Variants in SLC2A9 observed in about 807,000 individuals in gnomAD.
SLC2A9 encodes solute carrier family 2 member 9.
In SLC2A9, 39 loss-of-function variants were observed where a neutral mutation model predicts 50.6. The observed-to-expected ratio is 0.77, with a 90% confidence interval of 0.60 to 1.01. The LOEUF (loss-of-function observed/expected upper bound fraction) is 1.01, where lower values mean the gene tolerates loss of function less well. Ranked by LOEUF, SLC2A9 falls within the 50% of genes least tolerant of loss-of-function variation. The pLI is 0.00. For synonymous variants in SLC2A9, 324 were observed against 276.9 expected (o/e 1.17, Z -1.69); for missense variants, 686 against 677.6 (o/e 1.01, Z -0.14).
At chr4:9,774,405 T>G (rs755008800) in intron 1 of SLC2A9, among the ~76,000 whole-genome samples, 18 of 152,208 alleles carry the variant, frequency 1.2e-4, no homozygotes, top group Non-Finnish European at 4.4e-5. Context: ...CCCGTGATGT[T>G]CCCTCTGTTA....
chr4:9,948,613 A>G (rs906306819), intron 5 of SLC2A9, among the ~76,000 whole-genome samples: 5 of 152,178 alleles, frequency 3.3e-5, no homozygotes, highest in Admixed American at 6.5e-5. Context: ...ACTGCATCCA[A>G]TGGCTGACTG....
chr4:10,035,576 G>A (rs1337124909), intron 1 of SLC2A9: 2 of 152,130 alleles, frequency 1.3e-5, no homozygotes, highest in African/African-American at 4.8e-5. Flanking sequence ...TTAATTTCAG[G>A]TGCCTGAATT....
At chr4:9,839,809 C>A (rs891133416) in intron 10 of SLC2A9, among the ~76,000 whole-genome samples, 1 of 151,978 alleles carries the variant, frequency 6.6e-6, no homozygotes, top group Non-Finnish European at 1.5e-5. Flanking sequence ...CGGAACAACA[C>A]ACACTGGGGC....
Position 9,866,740 on chromosome 4 carries a change from G to A in SLC2A9, c.1291+20827C>T, listed in dbSNP as rs883042. ...CCTTGGACGTACTCCCCATCCATGCGTGTGAGCTGCATCTAACTCGCTTCA... is the reference window on the plus strand; with the variant it reads ...CCTTGGACGTACTCCCCATCCATGCATGTGAGCTGCATCTAACTCGCTTCA... On this transcript the variant is annotated intron_variant, in intron 10 of 11. Coordinates refer to ENST00000264784, the MANE Select transcript of SLC2A9 (RefSeq NM_020041.3). 2.5e-3 allele frequency among the ~76,000 whole-genome samples: 380 copies of A among 152,276 alleles called. 3 individuals carry two copies. The highest frequency in any genetic ancestry group is 8.6e-3 in the African/African-American group (357 of 41,546).
Position 9,865,895 on chromosome 4 carries a change from G to T in SLC2A9, c.1291+21672C>A, listed in dbSNP as rs557324413. Among the ~76,000 whole-genome samples the T allele has an allele frequency of 9.8e-5, 15 of 152,306 alleles. No homozygotes were observed. In the South Asian group the frequency reaches 3.1e-3, roughly 32 times the overall value. The stretch of plus-strand genomic sequence containing the variant: ...TGGTTTGCAGGAATCTGGCCCCGGG[G>T]CCCATGATTTGCCATTTTGGCAAAC... On this transcript the variant is annotated intron_variant, in intron 10 of 11. Transcript: ENST00000264784.
chr4:9,890,868 A>C (rs970278124), intron 8 of SLC2A9, among the ~76,000 whole-genome samples, 157 bp from the exon 9 acceptor site: 9 of 152,220 alleles, frequency 5.9e-5, no homozygotes, highest in African/African-American at 2.2e-4. Flanking sequence ...GCCCTGAAGC[A>C]ATGCTCTTTA....
At position 9,826,232 on chromosome 4, in the gene SLC2A9, G is replaced by A; in HGVS notation, c.*165C>T. 1 of 683,906 alleles carries A rather than the reference G, an allele frequency of 1.5e-6. No individual in the cohort carries two copies. The allele number at this position is 683,906 out of a possible 1,614,324, so 42.4% of individuals were successfully genotyped here. A position where few individuals can be genotyped will look rare whatever the true frequency, so the allele number is the denominator to read the frequency against. On this transcript the variant is annotated 3_prime_UTR_variant, in exon 12 of 12. Transcript: ENST00000264784. ...CTAACACAGTTGCAATGTTAGATTAGTACAGGTTTACTTTTAAATATTTAA... is the reference window on the plus strand; with the variant it reads ...CTAACACAGTTGCAATGTTAGATTAATACAGGTTTACTTTTAAATATTTAA...
intron 6 of SLC2A9, among the ~76,000 whole-genome samples, chr4:9,931,193 C>T (rs141295768): frequency 5.3e-5 from 8 of 152,318 alleles, no homozygotes; most frequent in Non-Finnish European, 8.8e-5. Context: ...AGCCCTACCC[C>T]CTGAATGCAT....
intron 5 of SLC2A9, among the ~76,000 whole-genome samples, chr4:9,960,232 T>C (rs1221112339): frequency 6.6e-6 from 1 of 152,200 alleles, no homozygotes. Flanking sequence ...CCTACCCAAG[T>C]CACTCAGGCT....
At chr4:9,949,089 A>T (rs535691392) in intron 5 of SLC2A9, among the ~76,000 whole-genome samples, 1 of 152,274 alleles carries the variant, frequency 6.6e-6, no homozygotes, top group Admixed American at 6.5e-5. Flanking sequence ...ACCTTATAGC[A>T]TTCCCTCCCG....
intron 3 of SLC2A9, among the ~76,000 whole-genome samples, chr4:9,790,106 T>A (rs1277736917): frequency 6.6e-6 from 1 of 152,188 alleles, no homozygotes; most frequent in Non-Finnish European, 1.5e-5. Flanking sequence ...TTCTAGTAAG[T>A]GATAGAAGTG....
intron 6 of SLC2A9, among the ~76,000 whole-genome samples, chr4:9,922,318 G>A (rs867494181): frequency 2.6e-5 from 4 of 152,126 alleles, no homozygotes; most frequent in East Asian, 3.9e-4. Context: ...GAGCCCATTG[G>A]GGGGTGGGGT....
chr4:9,806,280 G>A (rs568661179), intron 3 of SLC2A9, among the ~76,000 whole-genome samples: 89 of 152,324 alleles, frequency 5.8e-4, no homozygotes, highest in Admixed American at 1.1e-3. Flanking sequence ...CTTGGTCCAC[G>A]CAGGGAAAAC....
chr4:9,840,355 A>T (rs34088729), intron 10 of SLC2A9, among the ~76,000 whole-genome samples: 1,792 of 152,298 alleles, frequency 0.012, 18 homozygotes, highest in South Asian at 0.028. Context: ...CTTTCTTCCA[A>T]TCCAAGGTAA....
chr4:9,928,710 G>T (rs1021511345), intron 6 of SLC2A9, among the ~76,000 whole-genome samples: 3 of 152,074 alleles, frequency 2.0e-5, no homozygotes, highest in Non-Finnish European at 4.4e-5. Context: ...CTCCCGCCTG[G>T]GTGACAGAGC....
At chr4:9,940,444 G>A (rs750780095) in intron 6 of SLC2A9, among the ~76,000 whole-genome samples, 7 of 152,194 alleles carry the variant, frequency 4.6e-5, no homozygotes, top group Non-Finnish European at 5.9e-5. Flanking sequence ...GATTGGGGGT[G>A]GGAGTTACTA....
At chr4:9,798,477 A>G (rs572507932), downstream of SLC2A9, among the ~76,000 whole-genome samples, 2 of 152,284 alleles carry the variant, frequency 1.3e-5, no homozygotes, top group South Asian at 2.1e-4. Context: ...TTATGTAAAG[A>G]GAGTTGTTTC....
intron 10 of SLC2A9, among the ~76,000 whole-genome samples, chr4:9,844,830 C>T (rs967806624): frequency 2.6e-5 from 4 of 152,198 alleles, no homozygotes; most frequent in Non-Finnish European, 5.9e-5. Flanking sequence ...ATGAAGATAA[C>T]AATAGTTCCT....
intron 5 of SLC2A9, among the ~76,000 whole-genome samples, chr4:9,979,462 T>C (rs1413311729): frequency 1.3e-5 from 2 of 152,060 alleles, no homozygotes; most frequent in Non-Finnish European, 2.9e-5. Flanking sequence ...CTGCCTACCC[T>C]CCTGCCCTGC....
Sources: allele counts gnomAD v4.1 joint callset (sites outside exome capture counted in the v4.1 genomes callset), GRCh38; gene constraint gnomAD v4.1.1; transcripts MANE v1.5; gene names NCBI Gene and HGNC (gene_info 2026-07-23, HGNC 2026-07-21).